PDSS2: variants seen among roughly 807,000 people sequenced by gnomAD.
PDSS2 encodes decaprenyl diphosphate synthase subunit 2, also known as all trans-polyprenyl-diphosphate synthase PDSS2.
A neutral mutation model predicts 44.5 loss-of-function variants in PDSS2; 31 were observed. That is an observed-to-expected ratio of 0.70 (90% CI 0.52 to 0.94). PDSS2 has a LOEUF of 0.94. Ranked by LOEUF, PDSS2 falls within the 40% of genes least tolerant of loss-of-function variation. The pLI is 0.00. For synonymous variants in PDSS2, 157 were observed against 180.3 expected (o/e 0.87, Z 1.03); for missense variants, 452 against 482.2 (o/e 0.94, Z 0.59).
intron 1 of PDSS2, among the ~76,000 whole-genome samples, chr6:107,363,732 T>A (rs9320211): frequency 0.19 from 29,033 of 152,050 alleles, 2,872 homozygotes; most frequent in East Asian, 0.31. Flanking sequence ...CACATCCTGC[T>A]GATTGGTAGA....
At chr6:107,162,017 A>C (rs1463993012) in intron 7 of PDSS2, among the ~76,000 whole-genome samples, 1 of 152,172 alleles carries the variant, frequency 6.6e-6, no homozygotes, top group Non-Finnish European at 1.5e-5. Flanking sequence ...TCAAACTGCC[A>C]AGGGTGGTGG....
At chr6:107,241,916 G>A (rs1007933432) in intron 4 of PDSS2, among the ~76,000 whole-genome samples, 27 of 152,082 alleles carry the variant, frequency 1.8e-4, no homozygotes, top group African/African-American at 6.0e-4. Context: ...CCAAGGCTAC[G>A]GAGGTTGTGC....
intron 1 of PDSS2, among the ~76,000 whole-genome samples, chr6:107,384,658 A>G (rs1015031547): frequency 4.7e-5 from 7 of 147,934 alleles, no homozygotes; most frequent in Non-Finnish European, 1.0e-4. Flanking sequence ...AAAAAAAAAC[A>G]CAAAAAAACA....
chr6:107,214,519 A>G (rs1773349007), intron 4 of PDSS2, among the ~76,000 whole-genome samples: 1 of 152,226 alleles, frequency 6.6e-6, no homozygotes, highest in Admixed American at 6.5e-5. Flanking sequence ...TGAAGCAAAC[A>G]TATAAAACCA....
chr6:107,433,388 C>T lies in PDSS2; in HGVS notation c.296+25602G>A, dbSNP rs985103004. 3.3e-5 allele frequency among the ~76,000 whole-genome samples: 5 copies of T among 151,994 alleles called. No homozygotes were observed. In the South Asian group the frequency reaches 8.3e-4, roughly 25 times the overall value. On this transcript the variant is annotated intron_variant, in intron 1 of 7. Transcript: ENST00000369037. The stretch of plus-strand genomic sequence containing the variant: ...AATTATACTACAGAGTTATTGTAAC[C>T]AAAACAGCATGGTACTGGCATAAAA...
chr6:107,396,773 C>T (rs1362642212), intron 1 of PDSS2, among the ~76,000 whole-genome samples: 1 of 147,972 alleles, frequency 6.8e-6, no homozygotes, highest in Non-Finnish European at 1.5e-5. Flanking sequence ...ACTGCAACCT[C>T]AAACTCCTGG....
chr6:107,336,778 C>G (rs902372625), intron 1 of PDSS2, among the ~76,000 whole-genome samples: 1 of 147,450 alleles, frequency 6.8e-6, no homozygotes, highest in African/African-American at 2.5e-5. Context: ...AAGAGAAGGT[C>G]TGAATTGGCT....
At chr6:107,342,011 G>A (rs1408229475) in intron 1 of PDSS2, among the ~76,000 whole-genome samples, 1 of 151,936 alleles carries the variant, frequency 6.6e-6, no homozygotes, top group Non-Finnish European at 1.5e-5. Flanking sequence ...TAGTAACAGA[G>A]GTGCCAAAAT....
At chr6:107,392,837 C>T (rs1183806429) in intron 1 of PDSS2, among the ~76,000 whole-genome samples, 1 of 152,114 alleles carries the variant, frequency 6.6e-6, no homozygotes, top group Non-Finnish European at 1.5e-5. Flanking sequence ...ACCCAGACTT[C>T]AAGCTTGGCA....
chr6:107,186,476 G>GCT (rs1562360501), intron 7 of PDSS2, among the ~76,000 whole-genome samples: 3 of 150,308 alleles, frequency 2.0e-5, no homozygotes, highest in Admixed American at 1.3e-4. Flanking sequence ...TAATTATATA[G>GCT]TTTTTTTTTT....
At chr6:107,231,946 G>C (rs1353995068) in intron 4 of PDSS2, among the ~76,000 whole-genome samples, 1 of 142,210 alleles carries the variant, frequency 7.0e-6, no homozygotes, top group Non-Finnish European at 1.5e-5. Context: ...TGGGCAACAA[G>C]AGTGAAACTC....
At chr6:107,358,716 C>G (rs1038944049) in intron 1 of PDSS2, among the ~76,000 whole-genome samples, 2 of 152,120 alleles carry the variant, frequency 1.3e-5, no homozygotes, top group Non-Finnish European at 2.9e-5. Context: ...GTTTCTCAAT[C>G]TTGGCACTAA....
rs946378924 is a variant in PDSS2 at position 107,264,226 on chromosome 6, A to C, written c.630+9803T>G. The C allele has an allele frequency of 7.3e-6, 9 of 1,235,454 alleles. No individual in the cohort carries two copies. The African/African-American group carries it at 1.2e-4, about 17-fold the overall frequency. 76.5% of individuals were successfully genotyped at this position (1,235,454 alleles called of 1,614,324 possible). A position where few individuals can be genotyped will look rare whatever the true frequency, so the allele number is the denominator to read the frequency against. ...TTATTAAACTATATAGATGGTGTAAAGGGAGATTTATATGCATAAATTGAG... is the reference window on the plus strand; with the variant it reads ...TTATTAAACTATATAGATGGTGTAACGGGAGATTTATATGCATAAATTGAG... On this transcript the variant is annotated intron_variant, in intron 3 of 7. Coordinates refer to ENST00000369037, the MANE Select transcript of PDSS2 (RefSeq NM_020381.4).
At chr6:107,210,675 A>T (rs1210089670) in intron 5 of PDSS2, 105 bp from the exon 6 acceptor site, 4 of 786,098 alleles carry the variant, frequency 5.1e-6, no homozygotes, top group Non-Finnish European at 8.7e-6. Context: ...ATGAAGCTTA[A>T]GGAATGCAGT....
intron 4 of PDSS2, among the ~76,000 whole-genome samples, chr6:107,212,888 T>C (rs1773274803): frequency 6.6e-6 from 1 of 150,894 alleles, no homozygotes; most frequent in Admixed American, 6.6e-5. Context: ...CCTGTAGTCC[T>C]GACTACTCAG....
At chr6:107,369,845 T>A (rs889844363) in intron 1 of PDSS2, among the ~76,000 whole-genome samples, 2 of 151,806 alleles carry the variant, frequency 1.3e-5, no homozygotes, top group African/African-American at 4.8e-5. Flanking sequence ...TCTCTACAAA[T>A]AAAAAAATTA....
At chr6:107,415,100 T>G (rs1352344631) in intron 1 of PDSS2, among the ~76,000 whole-genome samples, 1 of 152,164 alleles carries the variant, frequency 6.6e-6, no homozygotes, top group African/African-American at 2.4e-5. Context: ...GGGTTCAAGC[T>G]AGGAATCTCC....
chr6:107,313,932 C>G (rs1279165319), intron 2 of PDSS2, among the ~76,000 whole-genome samples: 1 of 151,856 alleles, frequency 6.6e-6, no homozygotes, highest in African/African-American at 2.4e-5. Context: ...TGAAGGATTC[C>G]TGGAGGACAG....
intron 1 of PDSS2, among the ~76,000 whole-genome samples, chr6:107,447,521 T>C (rs1192518677): frequency 6.6e-6 from 1 of 152,124 alleles, no homozygotes; most frequent in Non-Finnish European, 1.5e-5. Flanking sequence ...AGTTCCAAAA[T>C]GATCTCCTTT....
Sources: gnomAD v4.1 joint callset for allele counts (sites outside exome capture counted in the v4.1 genomes callset) on GRCh38, gnomAD v4.1.1 for gene constraint, MANE v1.5 for transcripts, NCBI Gene and HGNC (gene_info 2026-07-23, HGNC 2026-07-21) for gene names.